Variants in SDHAF3 observed in about 807,000 individuals in gnomAD.
SDHAF3 encodes succinate dehydrogenase complex assembly factor 3.
In SDHAF3, 18 loss-of-function variants were observed where a neutral mutation model predicts 11.5. The observed-to-expected ratio is 1.56, with a 90% confidence interval of 1.08 to 2.32. The LOEUF is 2.32. Ranked by LOEUF, SDHAF3 falls within the 30% of genes most tolerant of loss-of-function variation. The pLI, the probability that SDHAF3 is intolerant of heterozygous loss-of-function variation, is 0.00. For synonymous variants in SDHAF3, 72 were observed against 59.3 expected (o/e 1.21, Z -0.99); for missense variants, 200 against 154.4 (o/e 1.30, Z -1.57).
intron 1 of SDHAF3, among the ~76,000 whole-genome samples, chr7:97,180,586 A>C: frequency 6.6e-6 from 1 of 152,212 alleles, no homozygotes; most frequent in East Asian, 1.9e-4. Context: ...CCTTGTATCT[A>C]GGGGATATAT....
intron 1 of SDHAF3, among the ~76,000 whole-genome samples, chr7:97,119,679 G>A (rs1791461772): frequency 6.6e-6 from 1 of 152,032 alleles, no homozygotes; most frequent in Non-Finnish European, 1.5e-5. Flanking sequence ...GATCCAATGG[G>A]GATTCTACAA....
At chr7:97,177,221 G>A (rs937649403) in intron 1 of SDHAF3, among the ~76,000 whole-genome samples, 2 of 151,840 alleles carry the variant, frequency 1.3e-5, no homozygotes, top group East Asian at 1.9e-4. Flanking sequence ...TAAGATATCC[G>A]GCCAGGCACA....
At chr7:97,155,263 GAAATC>G (rs774877175) in intron 1 of SDHAF3, among the ~76,000 whole-genome samples, 3 of 152,130 alleles carry the variant, frequency 2.0e-5, no homozygotes, top group East Asian at 3.8e-4. Flanking sequence ...AAATTAAAAT[GAAATC>G]AAATCAAGAA....
intron 1 of SDHAF3, among the ~76,000 whole-genome samples, chr7:97,142,030 G>A (rs1436316182): frequency 2.9e-5 from 4 of 136,036 alleles, no homozygotes; most frequent in Non-Finnish European, 6.2e-5. Flanking sequence ...AATGAAATGT[G>A]TGAATTGTTG....
intron 1 of SDHAF3, among the ~76,000 whole-genome samples, chr7:97,164,053 T>A (rs1317726622): frequency 6.6e-6 from 1 of 151,854 alleles, no homozygotes; most frequent in African/African-American, 2.4e-5. Flanking sequence ...GTTCAAGCGA[T>A]TCCCCCTCAG....
intron 1 of SDHAF3, among the ~76,000 whole-genome samples, chr7:97,164,566 G>A (rs1789472497): frequency 1.3e-5 from 2 of 151,262 alleles, no homozygotes; most frequent in African/African-American, 4.9e-5. Flanking sequence ...AGTAGAGATG[G>A]GTTTCTCCAT....
chr7:97,180,593 A>G (rs1562833848), intron 1 of SDHAF3, among the ~76,000 whole-genome samples: 1 of 152,198 alleles, frequency 6.6e-6, no homozygotes, highest in African/African-American at 2.4e-5. Flanking sequence ...TCTAGGGGAT[A>G]TATGTGCAGG....
rs369311549 is a variant in SDHAF3 at position 97,181,103 on chromosome 7, A to T, written c.266A>T (p.Lys89Ile). The change falls in exon 2 of 2, where the codon AAA becomes ATA. Residue 89 changes from lysine (K) to isoleucine (I), a missense_variant. By Grantham distance (102) the Lys-to-Ile change is moderately radical. Transcript: ENST00000432641. ...ACFGTFLPEE[K>I]LNDFRDEQIG... ...TTTGGCACCTTCCTCCCAGAAGAAAAACTTAATGACTTTCGTGATGAACAA... is the reference window on the plus strand; with the variant it reads ...TTTGGCACCTTCCTCCCAGAAGAAATACTTAATGACTTTCGTGATGAACAA... 3.1e-6 allele frequency: 5 copies of T among 1,614,046 alleles called. No individual in the cohort carries two copies. The highest frequency in any genetic ancestry group is 3.4e-6 in the Non-Finnish European group (4 of 1,179,940).
At chr7:97,170,997 T>C (rs1789594841) in intron 1 of SDHAF3, among the ~76,000 whole-genome samples, 1 of 152,144 alleles carries the variant, frequency 6.6e-6, no homozygotes, top group South Asian at 2.1e-4. Flanking sequence ...ATTGCCAACA[T>C]AGGTTCTTTT....
intron 1 of SDHAF3, among the ~76,000 whole-genome samples, chr7:97,136,664 A>G (rs1290276857): frequency 6.6e-6 from 1 of 152,204 alleles, no homozygotes; most frequent in Non-Finnish European, 1.5e-5. Flanking sequence ...AGTTATTCAG[A>G]AGTTTTTTTC....
At chr7:97,128,422 A>G (rs923672938) in intron 1 of SDHAF3, among the ~76,000 whole-genome samples, 2 of 152,302 alleles carry the variant, frequency 1.3e-5, no homozygotes, top group South Asian at 2.1e-4. Flanking sequence ...AGTTTGATCA[A>G]TATTGCATAT....
At chr7:97,160,527 C>T (rs1463356301) in intron 1 of SDHAF3, among the ~76,000 whole-genome samples, 1 of 152,092 alleles carries the variant, frequency 6.6e-6, no homozygotes, top group Non-Finnish European at 1.5e-5. Flanking sequence ...AAGAAGTAGA[C>T]ATAGGAGACT....
Position 97,181,125 on chromosome 7 carries a change from A to G in SDHAF3, c.288A>G (p.Glu96=), listed in dbSNP as rs1389126131. The G allele has an allele frequency of 6.2e-7, 1 of 1,613,926 alleles. No homozygotes were observed. Among genetic ancestry groups the G allele is most frequent in the East Asian group, 2.2e-5 (1 of 44,862 alleles). Residue 96 remains glutamate, a synonymous_variant, in exon 2 of 2, where the codon GAA becomes GAG. Coordinates refer to ENST00000432641, the MANE Select transcript of SDHAF3 (RefSeq NM_020186.3). ...PEEKLNDFRD[E]QIGQLQELMQ... ...AAAAACTTAATGACTTTCGTGATGA[A>G]CAAATTGGACAGTTGCAGGAGCTGA...
intron 1 of SDHAF3, among the ~76,000 whole-genome samples, chr7:97,134,433 A>G (rs935177169): frequency 6.6e-6 from 1 of 152,208 alleles, no homozygotes; most frequent in Admixed American, 6.5e-5. Context: ...ACTAAGAGAA[A>G]GATGCACAGA....
At chr7:97,179,722 C>CCCCTACACA (rs1562833673) in intron 1 of SDHAF3, among the ~76,000 whole-genome samples, 7 of 151,954 alleles carry the variant, frequency 4.6e-5, no homozygotes, top group Admixed American at 1.3e-4. Context: ...ACCCCTACCC[C>CCCCTACACA]CCCTACACAC....
intron 1 of SDHAF3, among the ~76,000 whole-genome samples, chr7:97,126,587 CTT>C (rs928771452): frequency 1.3e-5 from 2 of 152,118 alleles, no homozygotes; most frequent in Non-Finnish European, 2.9e-5. Context: ...CCTCCCAGTC[CTT>C]AGTACTGTCA....
chr7:97,136,788 C>A (rs564829290), intron 1 of SDHAF3, among the ~76,000 whole-genome samples: 2 of 152,238 alleles, frequency 1.3e-5, no homozygotes, highest in South Asian at 4.1e-4. Flanking sequence ...TTACTACTTA[C>A]TATTGTTTGA....
intron 1 of SDHAF3, among the ~76,000 whole-genome samples, chr7:97,134,740 C>T (rs1412835510): frequency 6.6e-6 from 1 of 152,222 alleles, no homozygotes; most frequent in Non-Finnish European, 1.5e-5. Flanking sequence ...AGCCACCTCA[C>T]CCAGCTGAGA....
At chr7:97,131,229 A>G (rs933119430) in intron 1 of SDHAF3, among the ~76,000 whole-genome samples, 2 of 152,194 alleles carry the variant, frequency 1.3e-5, no homozygotes, top group Non-Finnish European at 2.9e-5. Context: ...GCTTGTTACA[A>G]TTTGTCTATT....
Sources: gnomAD v4.1 joint callset for allele counts (sites outside exome capture counted in the v4.1 genomes callset) on GRCh38, gnomAD v4.1.1 for gene constraint, MANE v1.5 for transcripts, NCBI Gene and HGNC (gene_info 2026-07-23, HGNC 2026-07-21) for gene names.